The following ATF5 variants were observed in gnomAD, a reference collection of about 807,000 sequenced individuals.
ATF5 encodes cyclic AMP-dependent transcription factor ATF-5.
ATF5 carries 6 observed loss-of-function variants against 4.6 expected under a neutral mutation model. The ratio of observed to expected loss-of-function variants is 1.31; its 90% CI spans 0.72 to 2.59. The LOEUF (loss-of-function observed/expected upper bound fraction) is 2.59, where lower values mean the gene tolerates loss of function less well. Ranked by LOEUF, ATF5 falls within the 30% of genes most tolerant of loss-of-function variation. The pLI, the probability that ATF5 is intolerant of heterozygous loss-of-function variation, is 0.00. For missense variants in ATF5, 410 were observed against 368.7 expected (o/e 1.11, Z -0.92); for synonymous variants, 193 against 165.0 (o/e 1.17, Z -1.30).
chr19:49,932,721 G>C lies in ATF5; in HGVS notation c.478G>C (p.Asp160His), dbSNP rs553206788. The C allele has an allele frequency of 1.9e-6, 3 of 1,606,930 alleles. No individual in the cohort carries two copies. Among genetic ancestry groups the C allele is most frequent in the East Asian group, 4.5e-5 (2 of 44,688 alleles). Reference protein sequence around the residue: ...LPQPPVLDTLDLLAIYCRNEA... With the variant: ...LPQPPVLDTLHLLAIYCRNEA... ...CCAGCCCCCTGTCTTGGATACTCTGGACTTGCTGGCCATCTACTGCCGCAA... is the reference window on the plus strand; with the variant it reads ...CCAGCCCCCTGTCTTGGATACTCTGCACTTGCTGGCCATCTACTGCCGCAA... Residue 160 changes from aspartate to histidine, a missense_variant, in exon 3 of 3, where the codon GAC (aspartate) becomes CAC (histidine). Coordinates refer to ENST00000423777, the MANE Select transcript of ATF5 (RefSeq NM_001193646.2).
chr19:49,932,088 T>C (rs926096770), intron 2 of ATF5, among the ~76,000 whole-genome samples: 1 of 152,086 alleles, frequency 6.6e-6, no homozygotes, highest in African/African-American at 2.4e-5. Context: ...GTTAACTGGT[T>C]CATTGGTTGA....
At chr19:49,930,608 G>C (rs2076044050) in intron 1 of ATF5, 124 bp from the exon 2 acceptor site, 2 of 405,434 alleles carry the variant, frequency 4.9e-6, no homozygotes, top group South Asian at 8.8e-5. Flanking sequence ...TGTTCTAAAC[G>C]GTGGTTGGAA....
Position 49,932,524 on chromosome 19 carries a change from C to T in ATF5, c.281C>T (p.Thr94Ile). 6.5e-7 allele frequency: 1 copy of T among 1,547,086 alleles called. No homozygotes were observed. Among genetic ancestry groups the T allele is most frequent in the East Asian group, 2.4e-5 (1 of 41,654 alleles). ...PPGTLPQPSP[T>I]PPDLEAMASL... ...GGCACCCTCCCCCAACCTTCCCCAA[C>T]CCCACCTGACCTGGAAGCTATGGCC... Residue 94 changes from threonine (T) to isoleucine (I), a missense_variant, in exon 3 of 3, where the codon ACC (threonine) becomes ATC (isoleucine). Transcript: ENST00000423777.
intron 2 of ATF5, chr19:49,931,358 C>G: frequency 2.6e-6 from 1 of 385,682 alleles, no homozygotes. Context: ...TTGACTGAGG[C>G]ATAAATGATG....
At chr19:49,930,262 G>A (rs1347984886) in intron 1 of ATF5, 2 of 152,148 alleles carry the variant, frequency 1.3e-5, no homozygotes. Flanking sequence ...ATTGCTGAAG[G>A]GCTGCGGCCT....
chr19:49,931,005 C>T lies in ATF5; in HGVS notation c.155C>T (p.Pro52Leu), dbSNP rs758412217. ...GGGGGAGCCCTGGAGGGCGGGCTTC[C>T]AGTGGGGGGAGAGCCCCTGGCAGGT... is the stretch of plus-strand genomic sequence containing the variant. ...VLGGALEGGL[P>L]VGGEPLAGDG... The change falls in exon 2 of 3, where the codon CCA becomes CTA. Residue 52 changes from proline to leucine, a missense_variant. Physicochemically the swap from Pro to Leu is moderately conservative, Grantham distance 98. Coordinates refer to ENST00000423777, the MANE Select transcript of ATF5 (RefSeq NM_001193646.2). 6.4e-7 allele frequency: 1 copy of T among 1,557,766 alleles called. No homozygotes were observed. The highest frequency in any genetic ancestry group is 1.2e-5 in the South Asian group (1 of 84,568).
chr19:49,932,801 C>T lies in ATF5; in HGVS notation c.558C>T (p.Pro186=), dbSNP rs1312102063. 1.2e-6 allele frequency: 2 copies of T among 1,608,670 alleles called. No homozygotes were observed. Among genetic ancestry groups the T allele is most frequent in the African/African-American group, 2.7e-5 (2 of 74,570 alleles). Residue 186 remains proline, a synonymous_variant, in exon 3 of 3, where the codon CCC becomes CCT. Transcript: ENST00000423777. The stretch of plus-strand genomic sequence containing the variant: ...CGCCTCTGCCCCCGCCACAGCAGCC[C>T]CCTCCTCCTTCTCCACCTCAACCTT... ...GMPPLPPPQQ[P]PPPSPPQPSR...
rs1209437528 is a variant in ATF5 at position 49,933,129 on chromosome 19, G to C, written c.*37G>C. ...TGTGGCTTCTGGGGGCTGGTCTTCA[G>C]CTCTGGCGCCTTCATCCCCCTGCCT... On this transcript the variant is annotated 3_prime_UTR_variant, in exon 3 of 3. Coordinates refer to ENST00000423777, the MANE Select transcript of ATF5 (RefSeq NM_001193646.2). 6.6e-7 allele frequency: 1 copy of C among 1,523,856 alleles called. No homozygotes were observed. Among genetic ancestry groups the C allele is most frequent in the Non-Finnish European group, 8.8e-7 (1 of 1,133,726 alleles). The allele number at this position is 1,523,856 out of a possible 1,614,324, so 94.4% of individuals were successfully genotyped here.
intron 2 of ATF5, 37 bp downstream of exon 2, chr19:49,931,065 G>A: frequency 2.7e-6 from 4 of 1,455,656 alleles, no homozygotes; most frequent in Non-Finnish European, 3.7e-6. Context: ...GGGAGTGGAG[G>A]GCAGGGGAAG....
chr19:49,929,711 G>T (rs2076021807), intron 1 of ATF5: 1 of 152,172 alleles, frequency 6.6e-6, no homozygotes, highest in Non-Finnish European at 1.5e-5. Flanking sequence ...TAGCCCACCA[G>T]TGCCCCGTAG....
At position 49,932,591 on chromosome 19, in the gene ATF5, C is replaced by T; in HGVS notation, c.348C>T (p.Phe116=). ...AGCTGGAACAGATGGAAGACTTCTTCCTAGATGCCCCGCCCCTCCCACCAC... is the reference window on the plus strand; with the variant it reads ...AGCTGGAACAGATGGAAGACTTCTTTCTAGATGCCCCGCCCCTCCCACCAC... ...KKELEQMEDF[F]LDAPPLPPPS... The change falls in exon 3 of 3, where the codon TTC becomes TTT. Residue 116 remains phenylalanine, a synonymous_variant. Transcript: ENST00000423777. 7 of 1,563,316 alleles carry T rather than the reference C, an allele frequency of 4.5e-6. No individual in the cohort carries two copies. Among genetic ancestry groups the T allele is most frequent in the Non-Finnish European group, 6.1e-6 (7 of 1,154,594 alleles).
intron 1 of ATF5, 100 bp from the exon 2 acceptor site, chr19:49,930,632 G>A (rs3760715): frequency 0.079 from 32,759 of 412,842 alleles, 1,389 homozygotes; most frequent in Middle Eastern, 0.11. Context: ...GGAGGGAGGA[G>A]CCTCATGGAC....
At chr19:49,930,630 G>A (rs3760714) in intron 1 of ATF5, 102 bp from the exon 2 acceptor site, 32,750 of 412,250 alleles carry the variant, frequency 0.079, 1,392 homozygotes, top group Middle Eastern at 0.11. Context: ...GGGGAGGGAG[G>A]AGCCTCATGG....
At chr19:49,930,124 T>G (rs1303444973) in intron 1 of ATF5, 9 of 101,602 alleles carry the variant, frequency 8.9e-5, no homozygotes, top group South Asian at 3.1e-4. Context: ...AGTTGAGGGG[T>G]GGGGTTTCGA....
intron 1 of ATF5, 123 bp downstream of exon 1, chr19:49,929,523 A>T (rs2241702): frequency 0.13 from 19,057 of 152,296 alleles, 1,494 homozygotes; most frequent in East Asian, 0.38. Context: ...GCAGGCGCAG[A>T]AGTAGTACGG....
chr19:49,931,314 G>A (rs1027656828), intron 2 of ATF5: 6 of 400,088 alleles, frequency 1.5e-5, no homozygotes, highest in Non-Finnish European at 2.6e-5. Flanking sequence ...TATAGAATGG[G>A]TAGCCAGAAA....
rs1432362463 is a variant in ATF5, at chr19:49,930,718, T to C, written c.-119-14T>C. The C allele has an allele frequency of 8.5e-6, 6 of 704,056 alleles. No individual in the cohort carries two copies. In the Admixed American group the frequency reaches 9.9e-5, roughly 12 times the overall value. 43.6% of individuals were successfully genotyped at this position (704,056 alleles called of 1,614,324 possible). On this transcript the variant is annotated splice_polypyrimidine_tract_variant and intron_variant, in intron 1 of 2. Transcript: ENST00000423777. ...GCTGTCCTGACCACACCCACTCTTGTCTCACGCGTGTAGGTCTTCCACTTT... is the reference window on the plus strand; with the variant it reads ...GCTGTCCTGACCACACCCACTCTTGCCTCACGCGTGTAGGTCTTCCACTTT...
At position 49,933,293 on chromosome 19, in the gene ATF5, TCTA is replaced by T; in HGVS notation, c.*202_*204del. 2 of 480,684 alleles carry T rather than the reference TCTA, an allele frequency of 4.2e-6. No homozygotes were observed. Among genetic ancestry groups the T allele is most frequent in the Admixed American group, 3.7e-5 (1 of 26,690 alleles). The allele number at this position is 480,684 out of a possible 1,614,324, so 29.8% of individuals were successfully genotyped here. A position where few individuals can be genotyped will look rare whatever the true frequency, so the allele number is the denominator to read the frequency against. ...CTGGGCAACATAGTAAGACCCTGTC[TCTA>T]TTAAAAAAAAAAAATCAACCCTTCT... On this transcript the variant is annotated 3_prime_UTR_variant, in exon 3 of 3. Coordinates refer to ENST00000423777, the MANE Select transcript of ATF5 (RefSeq NM_001193646.2).
Position 49,932,990 on chromosome 19 carries a change from G to A in ATF5, c.747G>A (p.Glu249=). The change falls in exon 3 of 3, where the codon GAG becomes GAA. Residue 249 remains glutamate (E), a synonymous_variant. Coordinates refer to ENST00000423777, the MANE Select transcript of ATF5 (RefSeq NM_001193646.2). ...ECQGLEARNR[E]LKERAESVER... ...AGGGGCTGGAGGCACGGAATCGCGA[G>A]CTGAAGGAACGGGCAGAGTCCGTGG... The A allele has an allele frequency of 6.2e-7, 1 of 1,614,132 alleles. No individual in the cohort carries two copies. Among genetic ancestry groups the A allele is most frequent in the Non-Finnish European group, 8.5e-7 (1 of 1,180,004 alleles).
Sources: gnomAD v4.1 joint callset for allele counts (sites outside exome capture counted in the v4.1 genomes callset) on GRCh38, gnomAD v4.1.1 for gene constraint, MANE v1.5 for transcripts, NCBI Gene and HGNC (gene_info 2026-07-23, HGNC 2026-07-21) for gene names.